The following VRK2 variants were observed in gnomAD, a reference collection of about 807,000 sequenced individuals.
VRK2 encodes serine/threonine-protein kinase VRK2.
In VRK2, 60 loss-of-function variants were observed where a neutral mutation model predicts 57.6. That is an observed-to-expected ratio of 1.04 (90% confidence interval 0.85 to 1.29). VRK2 has a LOEUF of 1.29. VRK2 is among the 50% of genes most tolerant of loss of function. VRK2 has a pLI of 0.00. For missense variants in VRK2, 705 were observed against 588.1 expected, an observed-to-expected ratio of 1.20 and a Z score of -2.06; for synonymous variants, 231 against 199.2, an observed-to-expected ratio of 1.16 and a Z score of -1.35.
chr2:57,956,725 T>G (rs369992299), intron 1 of VRK2, among the ~76,000 whole-genome samples: 1 of 152,198 alleles, frequency 6.6e-6, no homozygotes, highest in African/African-American at 2.4e-5. Flanking sequence ...AAAGTAGGCA[T>G]TGTATGACTA....
intron 2 of VRK2, among the ~76,000 whole-genome samples, chr2:58,069,533 TGTC>T (rs1669099653): frequency 6.6e-6 from 1 of 152,120 alleles, no homozygotes; most frequent in African/African-American, 2.4e-5. Flanking sequence ...CATGCACCTG[TGTC>T]TGCGGAAAAT....
chr2:57,956,860 T>C (rs1442801255), intron 1 of VRK2, among the ~76,000 whole-genome samples: 1 of 152,216 alleles, frequency 6.6e-6, no homozygotes, highest in Non-Finnish European at 1.5e-5. Flanking sequence ...TCTGCCATTG[T>C]ATTAAATATC....
At chr2:58,117,112 A>T (rs1676638878) in intron 7 of VRK2, among the ~76,000 whole-genome samples, 1 of 152,116 alleles carries the variant, frequency 6.6e-6, no homozygotes, top group African/African-American at 2.4e-5. Flanking sequence ...TTGGGTAATA[A>T]AATGTATATT....
intron 8 of VRK2, among the ~76,000 whole-genome samples, chr2:58,129,284 A>G (rs190657846): frequency 2.6e-5 from 4 of 152,334 alleles, no homozygotes; most frequent in East Asian, 1.9e-4. Context: ...GTGCAAATAC[A>G]TGACTCAGAA....
chr2:58,088,847 G>C (rs745685827), intron 6 of VRK2, among the ~76,000 whole-genome samples: 1 of 152,176 alleles, frequency 6.6e-6, no homozygotes, highest in African/African-American at 2.4e-5. Context: ...TTATGAGTTT[G>C]GGATGGTGGC....
At chr2:58,048,509 A>G (rs1284408882) in intron 1 of VRK2, 7 of 1,229,480 alleles carry the variant, frequency 5.7e-6, no homozygotes, top group Non-Finnish European at 6.4e-6. Flanking sequence ...GGAAATTGTT[A>G]ATTTCGTGTT....
At chr2:57,947,585 T>C (rs1291605275) in intron 1 of VRK2, among the ~76,000 whole-genome samples, 1 of 152,182 alleles carries the variant, frequency 6.6e-6, no homozygotes, top group East Asian at 1.9e-4. Context: ...GAGGGTACTG[T>C]AAACAGTTTT....
chr2:57,911,141 A>G (rs530757879), intron 1 of VRK2, among the ~76,000 whole-genome samples: 4 of 151,932 alleles, frequency 2.6e-5, no homozygotes, highest in African/African-American at 9.7e-5. Context: ...AAATCATTAC[A>G]TCTCATTACT....
upstream of VRK2, among the ~76,000 whole-genome samples, chr2:58,045,426 A>T (rs925915235): frequency 1.3e-5 from 2 of 152,280 alleles, no homozygotes; most frequent in South Asian, 2.1e-4. Flanking sequence ...AAGCTAAACA[A>T]ATTTGGAAAG....
chr2:58,122,933 A>G (rs986817860), intron 7 of VRK2, among the ~76,000 whole-genome samples, 168 bp from the exon 8 acceptor site: 1 of 152,246 alleles, frequency 6.6e-6, no homozygotes, highest in Non-Finnish European at 1.5e-5. Flanking sequence ...TTGGAAAGTT[A>G]GTTGTTATGG....
chr2:57,983,066 G>A (rs1358301401), intron 1 of VRK2, among the ~76,000 whole-genome samples: 1 of 152,134 alleles, frequency 6.6e-6, no homozygotes, highest in Non-Finnish European at 1.5e-5. Flanking sequence ...GGGCCACTCT[G>A]TCCAGGGTTT....
chr2:57,991,933 G>A (rs1672781358), intron 1 of VRK2, among the ~76,000 whole-genome samples: 1 of 150,780 alleles, frequency 6.6e-6, no homozygotes, highest in Non-Finnish European at 1.5e-5. Flanking sequence ...ACTCCAGCCT[G>A]GCGACAGCAT....
intron 2 of VRK2, among the ~76,000 whole-genome samples, chr2:58,060,177 C>G (rs1272285951): frequency 1.3e-5 from 2 of 151,490 alleles, no homozygotes. Context: ...GAGAAGAAAA[C>G]AAAACAAACC....
intron 1 of VRK2, among the ~76,000 whole-genome samples, chr2:57,912,639 A>G (rs1229929360): frequency 6.6e-6 from 1 of 152,196 alleles, no homozygotes; most frequent in African/African-American, 2.4e-5. Context: ...GTTTAGTTGG[A>G]TATTTGTAAT....
chr2:58,130,113 T>C (rs914635128), intron 8 of VRK2, among the ~76,000 whole-genome samples: 7 of 152,104 alleles, frequency 4.6e-5, no homozygotes, highest in Non-Finnish European at 8.8e-5. Context: ...AATCCCTCAA[T>C]TGGGGGGTAG....
At chr2:57,911,487 C>G (rs1316447971) in intron 1 of VRK2, among the ~76,000 whole-genome samples, 2 of 152,152 alleles carry the variant, frequency 1.3e-5, no homozygotes, top group Admixed American at 1.3e-4. Flanking sequence ...AACCCACACC[C>G]ATTGTAAGGA....
At chr2:58,017,621 G>A (rs1483790318) in intron 1 of VRK2, among the ~76,000 whole-genome samples, 2 of 152,128 alleles carry the variant, frequency 1.3e-5, no homozygotes, top group Non-Finnish European at 2.9e-5. Context: ...GGGAAAGAGC[G>A]TTAAATATAT....
In VRK2 at chr2:58,018,146, C is replaced by T. The variant is rs150168866; in HGVS notation, c.-438-7519C>T. On this transcript the variant is annotated intron_variant, in intron 1 of 15. Transcript: ENST00000417641. ...TAGCTGGGATTACAGGTGCACGCCA[C>T]CAATCCTGGCTAATTTTTGTATTTT... 139 of 152,268 alleles carry T rather than the reference C, an allele frequency of 9.1e-4. 1 individual carries two copies. Among genetic ancestry groups the T allele is most frequent in the African/African-American group, 3.2e-3 (135 of 41,542 alleles). 9.4% of individuals were successfully genotyped at this position (152,268 alleles called of 1,614,324 possible). A position where few individuals can be genotyped will look rare whatever the true frequency, so the allele number is the denominator to read the frequency against.
chr2:57,928,121 C>T (rs1056446038), intron 1 of VRK2, among the ~76,000 whole-genome samples: 27 of 152,144 alleles, frequency 1.8e-4, no homozygotes, highest in African/African-American at 6.0e-4. Context: ...AAACTTTTTA[C>T]TCCTATCTCT....
Sources: allele counts gnomAD v4.1 joint callset (sites outside exome capture counted in the v4.1 genomes callset), GRCh38; gene constraint gnomAD v4.1.1; transcripts MANE v1.5; gene names NCBI Gene and HGNC (gene_info 2026-07-23, HGNC 2026-07-21).